Variants in DDX54 observed in about 807,000 individuals in gnomAD.
DDX54 encodes ATP-dependent RNA helicase DDX54.
A neutral mutation model predicts 105.5 loss-of-function variants in DDX54; 67 were observed. That is an observed-to-expected ratio of 0.64 (90% confidence interval 0.52 to 0.78). DDX54 has a LOEUF of 0.78. Ranked by LOEUF, DDX54 falls within the 30% of genes least tolerant of loss-of-function variation. The pLI is 0.00. For missense variants in DDX54, 1,206 were observed against 1,230.5 expected, an observed-to-expected ratio of 0.98 and a Z score of 0.30; for synonymous variants, 514 against 509.9, an observed-to-expected ratio of 1.01 and a Z score of -0.11.
Position 113,165,989 on chromosome 12 carries a change from A to C in DDX54, c.1458T>G (p.Ser486Arg). The change falls in exon 13 of 20, where the codon AGT becomes AGG. Residue 486 changes from serine to arginine, a missense_variant. By Grantham distance (110) the Ser-to-Arg change is moderately radical (BLOSUM62 -1). Around this residue, in one of 3 missense-constraint regions of DDX54, gnomAD observed 961 missense variants for 1,019.1 expected, o/e 0.94. Transcript: ENST00000306014. ...VDGMLGRVPQ[S>R]VVDEEDSGLQ... ...GACCACTGTCCTCCTCGTCCACCAC[A>C]CTCTGTGGCACCCGACCCAGCATGC... 1 of 1,610,848 alleles carries C rather than the reference A, an allele frequency of 6.2e-7. No individual in the cohort carries two copies. Among genetic ancestry groups the C allele is most frequent in the Admixed American group, 1.7e-5 (1 of 59,956 alleles).
At chr12:113,165,289 A>C (rs1404629968) in intron 14 of DDX54, among the ~76,000 whole-genome samples, 2 of 152,306 alleles carry the variant, frequency 1.3e-5, no homozygotes, top group South Asian at 2.1e-4. Flanking sequence ...GGAGGGAAAG[A>C]AGCTCAGGAA....
At chr12:113,183,316 C>A (rs913978056) in intron 1 of DDX54, among the ~76,000 whole-genome samples, 5 of 152,260 alleles carry the variant, frequency 3.3e-5, no homozygotes, top group Non-Finnish European at 7.3e-5. Flanking sequence ...TTGGTCTGAA[C>A]TACACTTAGA....
At chr12:113,178,162 A>G (rs1952426902) in intron 5 of DDX54, among the ~76,000 whole-genome samples, 1 of 152,228 alleles carries the variant, frequency 6.6e-6, no homozygotes, top group Admixed American at 6.5e-5. Flanking sequence ...ACTTGAGCCC[A>G]GGAGGTTGAG....
intron 18 of DDX54, 30 bp from the exon 19 acceptor site, chr12:113,161,412 A>C (rs778411645): frequency 6.3e-7 from 1 of 1,578,580 alleles, no homozygotes; most frequent in African/African-American, 1.3e-5. Context: ...AAGCTGCGTG[A>C]AGCCCCTGGG....
rs1476327159 is a variant in DDX54, at chr12:113,164,053, G to C, written c.1938+14C>G. On this transcript the variant is annotated intron_variant, in intron 15 of 19. Transcript: ENST00000306014. ...CATACCCCAGGTCCAGGGTCCCCAG[G>C]GTGGAACCTGTACCTCCACACTCTC... The C allele has an allele frequency of 6.5e-7, 1 of 1,539,184 alleles. No individual in the cohort carries two copies. The highest frequency in any genetic ancestry group is 1.4e-5 in the African/African-American group (1 of 72,828).
At chr12:113,184,020 C>T (rs1952495806) in intron 1 of DDX54, among the ~76,000 whole-genome samples, 1 of 152,178 alleles carries the variant, frequency 6.6e-6, no homozygotes, top group Non-Finnish European at 1.5e-5. Flanking sequence ...AATATCGGCT[C>T]ACTGCAACCT....
chr12:113,172,281 A>C, intron 11 of DDX54, 72 bp downstream of exon 11: 1 of 1,526,210 alleles, frequency 6.6e-7, no homozygotes. Flanking sequence ...TCAAGAGTTA[A>C]GCCTTGTACC....
rs773462251 is a variant in DDX54, at chr12:113,175,050, T to C, written c.860A>G (p.Glu287Gly). ...FSATLPKLLV[E>G]FARAGLTEPV... ...AGCTCACGCACCAGCCCGGGCAAAT[T>C]CCACCAGCAGTTTGGGCAGCGTGGC... Residue 287 changes from glutamate (E) to glycine (G), a missense_variant, in exon 8 of 20, where the codon GAA becomes GGA. Around this residue, in one of 3 missense-constraint regions of DDX54, gnomAD observed 961 missense variants for 1,019.1 expected, o/e 0.94. Transcript: ENST00000306014. 6.2e-7 allele frequency: 1 copy of C among 1,613,962 alleles called. No homozygotes were observed. Among genetic ancestry groups the C allele is most frequent in the Non-Finnish European group, 8.5e-7 (1 of 1,180,000 alleles).
chr12:113,178,778 G>C (rs1952433580), intron 5 of DDX54, among the ~76,000 whole-genome samples, 199 bp downstream of exon 5: 1 of 152,140 alleles, frequency 6.6e-6, no homozygotes, highest in South Asian at 2.1e-4. Flanking sequence ...CCTGACCTCA[G>C]GGGATCTGCC....
In DDX54 at chr12:113,165,698, C is replaced by T. The variant is rs1386406766; in HGVS notation, c.1665G>A (p.Glu555=). The change falls in exon 14 of 20, where the codon GAG becomes GAA. Residue 555 remains glutamate, a synonymous_variant. Transcript: ENST00000306014. The part of the protein sequence containing the change: ...HPLFSSRFEE[E]ELQRLRLVDS... ...CCACCAGCCTCAGCCGCTGCAGCTCCTCCTCCTCAAAACGCGAGCCTGGTA... is the reference window on the plus strand; with the variant it reads ...CCACCAGCCTCAGCCGCTGCAGCTCTTCCTCCTCAAAACGCGAGCCTGGTA... 6.2e-7 allele frequency: 1 copy of T among 1,613,532 alleles called. No individual in the cohort carries two copies. Among genetic ancestry groups the T allele is most frequent in the African/African-American group, 1.3e-5 (1 of 74,932 alleles).
Position 113,164,070 on chromosome 12 carries a change from C to T in DDX54, c.1935G>A (p.Val645=), listed in dbSNP as rs1375604483. ...GTCCCCAGGGTGGAACCTGTACCTC[C>T]ACACTCTCTCCCGCCTCCTCCTCCT... The part of the protein sequence containing the change: ...KEEEEEAGES[V]EDIFSEVVGR... Residue 645 remains valine (V), a synonymous_variant, in exon 15 of 20, where the codon GTG becomes GTA. Transcript: ENST00000306014. 1.3e-6 allele frequency: 2 copies of T among 1,547,776 alleles called. No individual in the cohort carries two copies. The highest frequency in any genetic ancestry group is 2.0e-5 in the Admixed American group (1 of 50,866).
intron 1 of DDX54, among the ~76,000 whole-genome samples, chr12:113,183,263 G>C (rs1357981102): frequency 6.6e-6 from 1 of 152,272 alleles, no homozygotes; most frequent in Non-Finnish European, 1.5e-5. Flanking sequence ...GCCAGTGCAA[G>C]GTTGGGCCAA....
At chr12:113,159,844 C>T (rs966193008) in intron 19 of DDX54, among the ~76,000 whole-genome samples, 1 of 152,108 alleles carries the variant, frequency 6.6e-6, no homozygotes, top group African/African-American at 2.4e-5. Flanking sequence ...CCCTGGCTCC[C>T]ACTAAGCCCT....
rs992146615 is a variant in DDX54, at chr12:113,157,349, G to A, written c.*1528C>T. 1.8e-6 allele frequency: 1 copy of A among 566,454 alleles called. No individual in the cohort carries two copies. The allele number at this position is 566,454 out of a possible 1,614,324, so 35.1% of individuals were successfully genotyped here. ...TAAATGAAAATACTAATTGGATAGTGCAGGTGACAGCAGCGAGGAAGCTGT... is the reference window on the plus strand; with the variant it reads ...TAAATGAAAATACTAATTGGATAGTACAGGTGACAGCAGCGAGGAAGCTGT... On this transcript the variant is annotated 3_prime_UTR_variant, in exon 20 of 20. Transcript: ENST00000306014.
intron 10 of DDX54, among the ~76,000 whole-genome samples, chr12:113,173,250 C>T (rs373580789): frequency 4.6e-5 from 7 of 152,104 alleles, no homozygotes; most frequent in African/African-American, 9.7e-5. Context: ...CCAGGTACTT[C>T]GGAGGCTGAG....
chr12:113,184,155 A>G (rs1473823061), intron 1 of DDX54, among the ~76,000 whole-genome samples: 4 of 152,188 alleles, frequency 2.6e-5, no homozygotes, highest in African/African-American at 9.6e-5. Flanking sequence ...CATGTTGGCC[A>G]GGCTGGTCTT....
In DDX54 at chr12:113,157,561, A is replaced by T. The variant is rs1284524906; in HGVS notation, c.*1316T>A. The T allele has an allele frequency of 6.5e-7, 1 of 1,528,894 alleles. No individual in the cohort carries two copies. Among genetic ancestry groups the T allele is most frequent in the East Asian group, 2.5e-5 (1 of 40,794 alleles). The allele number at this position is 1,528,894 out of a possible 1,614,324, so 94.7% of individuals were successfully genotyped here. A position where few individuals can be genotyped will look rare whatever the true frequency, so the allele number is the denominator to read the frequency against. On this transcript the variant is annotated 3_prime_UTR_variant, in exon 20 of 20. Coordinates refer to ENST00000306014, the MANE Select transcript of DDX54 (RefSeq NM_024072.4). Reference sequence around the variant, plus strand: ...GTTGAGGGGTGGGGGCTGGACAGTGACTCTGGGGCTGGGATGTGACTTCGT... The same window carrying T: ...GTTGAGGGGTGGGGGCTGGACAGTGTCTCTGGGGCTGGGATGTGACTTCGT...
intron 17 of DDX54, among the ~76,000 whole-genome samples, chr12:113,162,548 G>A (rs749902356): frequency 7.2e-5 from 11 of 152,180 alleles, no homozygotes; most frequent in Non-Finnish European, 1.6e-4. Flanking sequence ...AGGACTTCAG[G>A]GAGCTCACCC....
Position 113,172,516 on chromosome 12 carries a change from T to C in DDX54, c.1116A>G (p.Leu372=). 6.2e-7 allele frequency: 1 copy of C among 1,614,244 alleles called. No homozygotes were observed. Among genetic ancestry groups the C allele is most frequent in the Non-Finnish European group, 8.5e-7 (1 of 1,180,054 alleles). The part of the protein sequence containing the change: ...RVSCAHIYSA[L]DPTARKINLA... ...GATTGATCTTGCGGGCTGTCGGGTCTAGGGCACTGTAGATGTGGGCGCAGC... is the reference window on the plus strand; with the variant it reads ...GATTGATCTTGCGGGCTGTCGGGTCCAGGGCACTGTAGATGTGGGCGCAGC... Residue 372 remains leucine (L), a synonymous_variant, in exon 11 of 20, where the codon CTA becomes CTG. Coordinates refer to ENST00000306014, the MANE Select transcript of DDX54 (RefSeq NM_024072.4).
Sources: gnomAD v4.1 joint callset for allele counts (sites outside exome capture counted in the v4.1 genomes callset) on GRCh38, gnomAD v4.1.1 for gene constraint, gnomAD v4.1.1 regional missense constraint, MANE v1.5 for transcripts, NCBI Gene and HGNC (gene_info 2026-07-23, HGNC 2026-07-21) for gene names.